Variants in LRRC4C observed in about 807,000 individuals in gnomAD.
LRRC4C encodes leucine-rich repeat-containing protein 4C.
LRRC4C carries 5 observed loss-of-function variants against 33.6 expected under a neutral mutation model. The observed-to-expected ratio is 0.15, with a 90% confidence interval of 0.08 to 0.31. LRRC4C has a LOEUF of 0.31. LRRC4C is among the 10% of genes least tolerant of loss of function. The pLI, the probability that LRRC4C is intolerant of heterozygous loss-of-function variation, is 1.00. For missense variants in LRRC4C, 560 were observed against 796.7 expected, an observed-to-expected ratio of 0.70 and a Z score of 3.58; for synonymous variants, 329 against 302.0, an observed-to-expected ratio of 1.09 and a Z score of -0.93.
At chr11:41,420,110 G>A (rs1352699298) in intron 1 of LRRC4C, among the ~76,000 whole-genome samples, 1 of 151,868 alleles carries the variant, frequency 6.6e-6, no homozygotes, top group Non-Finnish European at 1.5e-5. Flanking sequence ...GCCTTTGATA[G>A]TTTTTGAGGT....
chr11:40,818,759 T>A (rs892379822), intron 2 of LRRC4C, among the ~76,000 whole-genome samples: 3 of 152,022 alleles, frequency 2.0e-5, no homozygotes, highest in Admixed American at 1.3e-4. Context: ...TCTAAATCAA[T>A]AGGATACATA....
chr11:40,506,757 T>A (rs1351372044), intron 3 of LRRC4C, among the ~76,000 whole-genome samples: 4 of 152,128 alleles, frequency 2.6e-5, no homozygotes, highest in Non-Finnish European at 5.9e-5. Flanking sequence ...TTCATAGTAA[T>A]TAAGAGCATT....
chr11:40,616,356 C>T (rs564588418), intron 3 of LRRC4C, among the ~76,000 whole-genome samples: 15 of 151,926 alleles, frequency 9.9e-5, no homozygotes, highest in African/African-American at 3.4e-4. Flanking sequence ...GTGTGGTGAT[C>T]CCTCAGGGAT....
At chr11:41,317,252 T>C (rs1361890357) in intron 1 of LRRC4C, among the ~76,000 whole-genome samples, 1 of 152,030 alleles carries the variant, frequency 6.6e-6, no homozygotes, top group African/African-American at 2.4e-5. Flanking sequence ...CCACTGATTT[T>C]TTTTTTTTTA....
intron 5 of LRRC4C, among the ~76,000 whole-genome samples, chr11:40,177,204 C>T (rs1193692021): frequency 4.6e-5 from 7 of 151,870 alleles, no homozygotes; most frequent in Non-Finnish European, 7.4e-5. Flanking sequence ...CTGCCCACCT[C>T]GGCCTCCCAA....
At chr11:41,139,854 G>C (rs532932877) in intron 1 of LRRC4C, among the ~76,000 whole-genome samples, 4 of 152,216 alleles carry the variant, frequency 2.6e-5, no homozygotes, top group African/African-American at 9.6e-5. Flanking sequence ...TGTGGGAGAC[G>C]GTGTGGTGGT....
At position 40,460,079 on chromosome 11, in the gene LRRC4C, G is replaced by C. The variant is rs368485674; in HGVS notation, c.-269-140358C>G. Among the ~76,000 whole-genome samples, 54 of 152,196 alleles carry C rather than the reference G, an allele frequency of 3.5e-4. 1 individual carries two copies. The South Asian group carries it at 0.011, about 31-fold the overall frequency. ...ATTGCAGCAGTCATATTGAGAGTTA[G>C]ACTATCCGGGGTAGTTTACTCTTTC... On this transcript the variant is annotated intron_variant, in intron 3 of 6. Transcript: ENST00000528697.
chr11:40,861,510 A>G (rs573698001), intron 2 of LRRC4C, among the ~76,000 whole-genome samples: 152 of 152,340 alleles, frequency 1.0e-3, no homozygotes, highest in Admixed American at 2.0e-3. Flanking sequence ...ATCTGAGAAT[A>G]GAACCAAGAA....
chr11:41,407,745 T>C (rs1054047936), intron 1 of LRRC4C, among the ~76,000 whole-genome samples: 3 of 152,220 alleles, frequency 2.0e-5, no homozygotes, highest in African/African-American at 7.2e-5. Context: ...GAATCTATAG[T>C]GTCTTGGTAC....
At chr11:40,203,953 C>T (rs1008163849) in intron 5 of LRRC4C, among the ~76,000 whole-genome samples, 3 of 152,140 alleles carry the variant, frequency 2.0e-5, no homozygotes, top group African/African-American at 7.2e-5. Flanking sequence ...GATAGAGTCT[C>T]ACTGTGTTGC....
chr11:40,429,281 C>T (rs2137828378), intron 3 of LRRC4C, among the ~76,000 whole-genome samples: 1 of 152,238 alleles, frequency 6.6e-6, no homozygotes, highest in African/African-American at 2.4e-5. Context: ...ACCATGTTGG[C>T]CAGGCTAGTC....
intron 3 of LRRC4C, among the ~76,000 whole-genome samples, chr11:40,637,051 C>T (rs1006885715): frequency 1.3e-5 from 2 of 152,162 alleles, no homozygotes; most frequent in Admixed American, 6.5e-5. Context: ...AGCAGCAAGG[C>T]TTATCTCCCA....
At chr11:40,235,478 T>C (rs1865492194) in intron 5 of LRRC4C, among the ~76,000 whole-genome samples, 1 of 152,190 alleles carries the variant, frequency 6.6e-6, no homozygotes, top group African/African-American at 2.4e-5. Flanking sequence ...AAACTTATTA[T>C]ATGGATATAA....
chr11:40,989,540 A>G (rs187380508), intron 1 of LRRC4C, among the ~76,000 whole-genome samples: 1 of 152,108 alleles, frequency 6.6e-6, no homozygotes, highest in Non-Finnish European at 1.5e-5. Context: ...AAACAGTAAG[A>G]GTATGTCACT....
At position 40,739,029 on chromosome 11, in the gene LRRC4C, A is replaced by ATGTGTGTGTG. The variant is rs746979119; in HGVS notation, c.-406-90761_-406-90752dup. 1.6e-4 allele frequency among the ~76,000 whole-genome samples: 22 copies of ATGTGTGTGTG among 137,320 alleles called. No individual in the cohort carries two copies. The East Asian group carries it at 6.6e-3, about 41-fold the overall frequency. 90.1% of individuals were successfully genotyped at this position (137,320 alleles called of 152,430 possible). ...CTATTGTGTGTGTGTGTGTGTGTGT[A>ATGTGTGTGTG]TGTGTGTGTGTGTGTGTGTGTGTGG... is the stretch of plus-strand genomic sequence containing the variant. On this transcript the variant is annotated intron_variant, in intron 2 of 6. Coordinates refer to ENST00000528697, the MANE Select transcript of LRRC4C (RefSeq NM_001258419.2).
intron 3 of LRRC4C, among the ~76,000 whole-genome samples, chr11:40,607,504 C>T (rs1365655241): frequency 1.3e-5 from 2 of 151,746 alleles, no homozygotes; most frequent in African/African-American, 2.4e-5. Context: ...GGCAGGTCAT[C>T]AAAGGCAGAA....
At chr11:40,264,090 A>G (rs7944804) in intron 4 of LRRC4C, among the ~76,000 whole-genome samples, 5 of 152,194 alleles carry the variant, frequency 3.3e-5, no homozygotes, top group African/African-American at 1.2e-4. Flanking sequence ...CTATTTAATA[A>G]CTATGTATAA....
At chr11:41,365,761 A>ACAATGTGT (rs1346518934) in intron 1 of LRRC4C, among the ~76,000 whole-genome samples, 2 of 152,210 alleles carry the variant, frequency 1.3e-5, no homozygotes, top group African/African-American at 4.8e-5. Flanking sequence ...TAGAAGTAGA[A>ACAATGTGT]CAATGTGTGA....
At chr11:41,169,245 T>C (rs544998643) in intron 1 of LRRC4C, among the ~76,000 whole-genome samples, 1 of 152,288 alleles carries the variant, frequency 6.6e-6, no homozygotes, top group East Asian at 1.9e-4. Context: ...ATTTTCAGCA[T>C]TGAGGATAAG....
Sources: gnomAD v4.1 joint callset for allele counts (sites outside exome capture counted in the v4.1 genomes callset) on GRCh38, gnomAD v4.1.1 for gene constraint, MANE v1.5 for transcripts, NCBI Gene and HGNC (gene_info 2026-07-23, HGNC 2026-07-21) for gene names.